The following GGH variants were observed in gnomAD, a reference collection of about 807,000 sequenced individuals.
The protein encoded by GGH is gamma-Glu-X carboxypeptidase.
A neutral mutation model predicts 39.2 loss-of-function variants in GGH; 18 were observed. The ratio of observed to expected loss-of-function variants is 0.46; its 90% CI spans 0.32 to 0.68. The LOEUF is 0.68. Among genes scored for constraint, GGH ranks in the 30% least tolerant of loss-of-function variants. The probability of loss-of-function intolerance (pLI) is 0.04; values close to 1 mark genes in which losing one functional copy is unlikely to be tolerated. For synonymous variants in GGH, 147 were observed against 138.8 expected, an observed-to-expected ratio of 1.06 and a Z score of -0.42; for missense variants, 367 against 384.1, an observed-to-expected ratio of 0.96 and a Z score of 0.37.
chr8:63,035,570 G>A, intron 2 of GGH, 86 bp downstream of exon 2: 2 of 1,513,298 alleles, frequency 1.3e-6, no homozygotes, highest in African/African-American at 2.8e-5. Context: ...CTCCCAAAGT[G>A]CTAGAATTAC....
intron 7 of GGH, chr8:63,023,546 C>G (rs1804632709): frequency 6.4e-6 from 1 of 156,660 alleles, no homozygotes; most frequent in African/African-American, 2.4e-5. Flanking sequence ...GCCAATTCAT[C>G]AACGTATTTA....
At chr8:63,022,467 T>C (rs1804606897) in intron 7 of GGH, among the ~76,000 whole-genome samples, 1 of 151,982 alleles carries the variant, frequency 6.6e-6, no homozygotes, top group South Asian at 2.1e-4. Context: ...CCTTCACATC[T>C]ATCTTCTATT....
intron 8 of GGH, 58 bp from the exon 9 acceptor site, chr8:63,015,511 AT>A: frequency 9.4e-7 from 1 of 1,067,868 alleles, no homozygotes; most frequent in Non-Finnish European, 1.4e-6. Flanking sequence ...TCAAGAGACT[AT>A]TTTATAATAT....
At position 63,015,195 on chromosome 8, in the gene GGH, T is replaced by C. The variant is rs1804463372; in HGVS notation, c.*137A>G. 2 of 513,510 alleles carry C rather than the reference T, an allele frequency of 3.9e-6. No individual in the cohort carries two copies. The highest frequency in any genetic ancestry group is 4.9e-4 in the Middle Eastern group (1 of 2,022). The allele number at this position is 513,510 out of a possible 1,614,324, so 31.8% of individuals were successfully genotyped here. On this transcript the variant is annotated 3_prime_UTR_variant, in exon 9 of 9. Coordinates refer to ENST00000260118, the MANE Select transcript of GGH (RefSeq NM_003878.3). ...ATCTAATGTTATATAAATAGTCACA[T>C]ACAGAATGAAGAATCAGAGCCAGGC... is the stretch of plus-strand genomic sequence containing the variant.
In GGH at chr8:63,015,125, G is replaced by C. The variant is rs1804461741; in HGVS notation, c.*207C>G. ...TTTTTTCAATCTTCAGATATAAGAA[G>C]GCTTTTCCATGAAAAACACTCTATT... On this transcript the variant is annotated 3_prime_UTR_variant, in exon 9 of 9. Coordinates refer to ENST00000260118, the MANE Select transcript of GGH (RefSeq NM_003878.3). 1 of 344,086 alleles carries C rather than the reference G, an allele frequency of 2.9e-6. No individual in the cohort carries two copies. Among genetic ancestry groups the C allele is most frequent in the Non-Finnish European group, 5.2e-6 (1 of 192,714 alleles). The allele number at this position is 344,086 out of a possible 1,614,324, so 21.3% of individuals were successfully genotyped here.
At position 63,015,358 on chromosome 8, in the gene GGH, AT is replaced by A; in HGVS notation, c.930del (p.Gln312SerfsTer28). The A allele has an allele frequency of 7.1e-7, 1 of 1,401,814 alleles. No individual in the cohort carries two copies. The highest frequency in any genetic ancestry group is 1.0e-6 in the Non-Finnish European group (1 of 1,004,666). The allele number at this position is 1,401,814 out of a possible 1,614,324, so 86.8% of individuals were successfully genotyped here. A position where few individuals can be genotyped will look rare whatever the true frequency, so the allele number is the denominator to read the frequency against. ...FSPIYTGNIS[S>X]FQQCYIFD ...CAATCAAATATGTAACATTGCTGAA[AT>A]GAAGAAATATTTCCAGTATAAATTG... On this transcript the variant is annotated frameshift_variant, in exon 9 of 9. Coordinates refer to ENST00000260118, the MANE Select transcript of GGH (RefSeq NM_003878.3). LOFTEE classifies it high-confidence loss of function.
intron 7 of GGH, among the ~76,000 whole-genome samples, chr8:63,022,363 T>C (rs1585667409): frequency 6.6e-6 from 1 of 152,262 alleles, no homozygotes; most frequent in East Asian, 1.9e-4. Context: ...GTTAGGTAAG[T>C]TAGAAATCAC....
intron 8 of GGH, among the ~76,000 whole-genome samples, chr8:63,016,447 A>G (rs1319541629): frequency 6.6e-6 from 1 of 152,216 alleles, no homozygotes; most frequent in African/African-American, 2.4e-5. Flanking sequence ...ATAAAAACTT[A>G]GGGCAAGCTT....
Position 63,015,085 on chromosome 8 carries a change from T to C in GGH, c.*247A>G, listed in dbSNP as rs1804460788. The C allele has an allele frequency of 7.6e-6, 2 of 264,190 alleles. No individual in the cohort carries two copies. The highest frequency in any genetic ancestry group is 1.4e-5 in the Non-Finnish European group (2 of 142,388). 16.4% of individuals were successfully genotyped at this position (264,190 alleles called of 1,614,324 possible). On this transcript the variant is annotated 3_prime_UTR_variant, in exon 9 of 9. Transcript: ENST00000260118. ...AAATCAATTAGAAAAAATATTTGTA[T>C]TTCAGTAAATTTATTTTTTTCAATC...
At chr8:63,015,958 G>A (rs1265427386) in intron 8 of GGH, among the ~76,000 whole-genome samples, 1 of 152,204 alleles carries the variant, frequency 6.6e-6, no homozygotes, top group African/African-American at 2.4e-5. Flanking sequence ...ATGGTATATG[G>A]TGTATCATCA....
At position 63,021,478 on chromosome 8, in the gene GGH, G is replaced by A. The variant is rs568638156; in HGVS notation, c.697+2429C>T. Among the ~76,000 whole-genome samples the A allele has an allele frequency of 5.9e-5, 9 of 152,264 alleles. No individual in the cohort carries two copies. The South Asian group carries it at 8.3e-4, about 14-fold the overall frequency. On this transcript the variant is annotated intron_variant, in intron 7 of 8. Transcript: ENST00000260118. ...AAGTGCATGACAGCACCTGCTGTGCGACATCCTGGGTAACACTAGTTATCA... is the reference window on the plus strand; with the variant it reads ...AAGTGCATGACAGCACCTGCTGTGCAACATCCTGGGTAACACTAGTTATCA...
chr8:63,018,820 G>A (rs1804533721), intron 7 of GGH, among the ~76,000 whole-genome samples: 1 of 152,148 alleles, frequency 6.6e-6, no homozygotes, highest in South Asian at 2.1e-4. Flanking sequence ...AATGCTTCAT[G>A]CGTTGGAAAA....
chr8:63,015,388 T>G lies in GGH; in HGVS notation c.901A>C (p.Ser301Arg). The change falls in exon 9 of 9, where the codon AGT becomes CGT. Residue 301 changes from serine to arginine, a missense_variant. By Grantham distance (110) the Ser-to-Arg change is moderately radical. Coordinates refer to ENST00000260118, the MANE Select transcript of GGH (RefSeq NM_003878.3). ...EEEKALIYQF[S>R]PIYTGNISSF... ...GAAATATTTCCAGTATAAATTGGACTGAACTGATAAATCAATGCTTTCTCC... is the reference window on the plus strand; with the variant it reads ...GAAATATTTCCAGTATAAATTGGACGGAACTGATAAATCAATGCTTTCTCC... 1 of 1,413,852 alleles carries G rather than the reference T, an allele frequency of 7.1e-7. No individual in the cohort carries two copies. Among genetic ancestry groups the G allele is most frequent in the Non-Finnish European group, 9.9e-7 (1 of 1,008,680 alleles). 87.6% of individuals were successfully genotyped at this position (1,413,852 alleles called of 1,614,324 possible).
chr8:63,022,366 G>A (rs555917705), intron 7 of GGH, among the ~76,000 whole-genome samples: 2 of 152,036 alleles, frequency 1.3e-5, no homozygotes, highest in South Asian at 2.1e-4. Flanking sequence ...AGGTAAGTTA[G>A]AAATCACTTT....
chr8:63,022,663 T>G (rs979685458), intron 7 of GGH, among the ~76,000 whole-genome samples: 7 of 151,648 alleles, frequency 4.6e-5, no homozygotes, highest in African/African-American at 1.7e-4. Context: ...TACAGGCACA[T>G]GCCACCATGC....
intron 1 of GGH, among the ~76,000 whole-genome samples, chr8:63,036,949 G>A (rs1804920649): frequency 6.6e-6 from 1 of 152,044 alleles, no homozygotes; most frequent in Non-Finnish European, 1.5e-5. Flanking sequence ...CATCTCTCTG[G>A]CCTCCTTTTA....
intron 3 of GGH, among the ~76,000 whole-genome samples, chr8:63,029,450 G>A (rs1035780441): frequency 6.6e-6 from 1 of 151,950 alleles, no homozygotes; most frequent in Non-Finnish European, 1.5e-5. Flanking sequence ...TGGATTACGG[G>A]GTGACTGTCA....
chr8:63,032,185 C>G (rs1188002857), intron 2 of GGH, among the ~76,000 whole-genome samples: 1 of 152,034 alleles, frequency 6.6e-6, no homozygotes, highest in Non-Finnish European at 1.5e-5. Context: ...AGGTGCACGC[C>G]ACCACTCCCA....
chr8:63,015,835 A>AGTGGCTATGTG (rs150643739), intron 8 of GGH, among the ~76,000 whole-genome samples: 31,039 of 152,136 alleles, frequency 0.2, 3,351 homozygotes, highest in East Asian at 0.42. Context: ...TACCTATCAA[A>AGTGGCTATGTG]TACACAAGAC....
Sources: allele counts gnomAD v4.1 joint callset (sites outside exome capture counted in the v4.1 genomes callset), GRCh38; gene constraint gnomAD v4.1.1; transcripts MANE v1.5; gene names NCBI Gene and HGNC (gene_info 2026-07-23, HGNC 2026-07-21).